The following RIMS2 variants were observed in gnomAD, a reference collection of about 807,000 sequenced individuals.
RIMS2 encodes regulating synaptic membrane exocytosis protein 2.
Under a neutral mutation model 174.4 loss-of-function variants are expected in RIMS2, and 59 were observed. The observed-to-expected ratio is 0.34, with a 90% CI of 0.27 to 0.42. RIMS2 has a LOEUF of 0.42. Among genes scored for constraint, RIMS2 ranks in the 10% least tolerant of loss-of-function variants. The pLI, the probability that RIMS2 is intolerant of heterozygous loss-of-function variation, is 1.00. For missense variants in RIMS2, 1,620 were observed against 1,666.3 expected (o/e 0.97, Z 0.48); for synonymous variants, 606 against 572.5 (o/e 1.06, Z -0.84).
At chr8:103,664,407 C>T (rs2096642621) in intron 1 of RIMS2, among the ~76,000 whole-genome samples, 1 of 152,066 alleles carries the variant, frequency 6.6e-6, no homozygotes, top group African/African-American at 2.4e-5. Context: ...CCAGAATCTA[C>T]AGAGAACTTA....
intron 19 of RIMS2, among the ~76,000 whole-genome samples, chr8:104,065,754 A>G (rs2097095203): frequency 6.6e-6 from 1 of 152,134 alleles, no homozygotes; most frequent in Admixed American, 6.6e-5. Context: ...TTCATTGGTT[A>G]AGACTCTAAT....
chr8:104,076,540 GATTT>G (rs2097296131), intron 19 of RIMS2, among the ~76,000 whole-genome samples: 1 of 152,098 alleles, frequency 6.6e-6, no homozygotes, highest in Non-Finnish European at 1.5e-5. Flanking sequence ...AGCAGACACA[GATTT>G]ATAGCAGAAA....
intron 1 of RIMS2, among the ~76,000 whole-genome samples, chr8:103,535,543 A>G (rs1839361877): frequency 6.6e-6 from 1 of 152,200 alleles, no homozygotes; most frequent in South Asian, 2.1e-4. Context: ...GAGCTTTGCC[A>G]GAATTCAACG....
intron 13 of RIMS2, among the ~76,000 whole-genome samples, chr8:103,941,202 C>T (rs2082444841): frequency 1.3e-5 from 2 of 152,090 alleles, no homozygotes; most frequent in South Asian, 2.1e-4. Context: ...TGAAACAACT[C>T]CAGGCATGGT....
chr8:103,713,412 T>C (rs2097331965), intron 2 of RIMS2, among the ~76,000 whole-genome samples: 1 of 150,282 alleles, frequency 6.7e-6, no homozygotes, highest in East Asian at 2.0e-4. Context: ...TATTTCCTAT[T>C]GCTGGAAGAA....
At chr8:104,038,376 C>T (rs904047328) in intron 19 of RIMS2, among the ~76,000 whole-genome samples, 1 of 151,716 alleles carries the variant, frequency 6.6e-6, no homozygotes, top group Non-Finnish European at 1.5e-5. Context: ...TTTGATAGTA[C>T]CTGGACACCT....
intron 1 of RIMS2, among the ~76,000 whole-genome samples, chr8:103,624,906 G>C (rs1409280355): frequency 6.6e-6 from 1 of 152,028 alleles, no homozygotes; most frequent in African/African-American, 2.4e-5. Context: ...TAAATAAAAT[G>C]GTGCACAGAA....
At chr8:104,155,621 G>C (rs1342307858) in intron 19 of RIMS2, among the ~76,000 whole-genome samples, 2 of 138,272 alleles carry the variant, frequency 1.4e-5, no homozygotes, top group East Asian at 2.2e-4. Flanking sequence ...CACCGTGTTA[G>C]CCAGGGTGGT....
intron 19 of RIMS2, among the ~76,000 whole-genome samples, chr8:104,235,451 A>C (rs1214262348): frequency 6.6e-6 from 1 of 152,038 alleles, no homozygotes; most frequent in African/African-American, 2.4e-5. Context: ...GGTAGATTTT[A>C]TATCCAAAGC....
intron 1 of RIMS2, among the ~76,000 whole-genome samples, chr8:103,543,044 TA>T (rs1843249931): frequency 6.6e-6 from 1 of 152,068 alleles, no homozygotes; most frequent in East Asian, 1.9e-4. Context: ...AAGAATGAAA[TA>T]AAGGCACCCA....
intron 3 of RIMS2, among the ~76,000 whole-genome samples, chr8:103,855,465 C>G (rs1175709996): frequency 6.6e-6 from 1 of 152,032 alleles, no homozygotes; most frequent in Non-Finnish European, 1.5e-5. Context: ...TGAGATCTTT[C>G]TAACTTCTTG....
intron 19 of RIMS2, among the ~76,000 whole-genome samples, chr8:104,055,212 T>C (rs1216008392): frequency 1.3e-5 from 2 of 152,148 alleles, no homozygotes; most frequent in Non-Finnish European, 2.9e-5. Flanking sequence ...ATATTCTATA[T>C]CATCATTTTA....
intron 3 of RIMS2, among the ~76,000 whole-genome samples, chr8:103,818,489 A>G (rs768652331): frequency 4.6e-5 from 7 of 152,198 alleles, no homozygotes; most frequent in African/African-American, 7.2e-5. Flanking sequence ...TTCCAAGACC[A>G]TAGGAGCCTT....
At chr8:103,916,321 C>T in intron 7 of RIMS2, 93 bp from the exon 11 acceptor site, 2 of 849,824 alleles carry the variant, frequency 2.4e-6, no homozygotes, top group African/African-American at 1.7e-5. Context: ...TTATTTTATC[C>T]TATGGAGTTT....
At chr8:104,140,229 A>G (rs951508429) in intron 19 of RIMS2, among the ~76,000 whole-genome samples, 2 of 152,076 alleles carry the variant, frequency 1.3e-5, no homozygotes, top group African/African-American at 2.4e-5. Flanking sequence ...ATTATTTATA[A>G]TATTCTCTTG....
At chr8:103,606,978 A>T (rs935141762) in intron 1 of RIMS2, among the ~76,000 whole-genome samples, 1 of 151,990 alleles carries the variant, frequency 6.6e-6, no homozygotes, top group Non-Finnish European at 1.5e-5. Flanking sequence ...GTGTCTTTTA[A>T]TTGGAGCATT....
At chr8:104,032,416 T>A (rs1006403050) in intron 19 of RIMS2, among the ~76,000 whole-genome samples, 2 of 152,000 alleles carry the variant, frequency 1.3e-5, no homozygotes, top group Non-Finnish European at 2.9e-5. Flanking sequence ...ATGCTGGAGG[T>A]TACACATTTT....
Position 103,512,727 on chromosome 8 carries a change from G to T in RIMS2, c.176+11665G>T, listed in dbSNP as rs77233725. On this transcript the variant is annotated intron_variant, in intron 1 of 23. Coordinates refer to ENST00000504942, the Ensembl canonical transcript of RIMS2. ...TAACTATCACAGGATTGATAGAATTGGCATTAGAAAAGTGGGCAATCCTTA... is the reference window on the plus strand; with the variant it reads ...TAACTATCACAGGATTGATAGAATTTGCATTAGAAAAGTGGGCAATCCTTA... Among the ~76,000 whole-genome samples, 560 of 152,184 alleles carry T rather than the reference G, an allele frequency of 3.7e-3. 8 individuals carry two copies. The highest frequency in any genetic ancestry group is 0.013 in the African/African-American group (532 of 41,526).
intron 14 of RIMS2, among the ~76,000 whole-genome samples, chr8:103,944,921 T>C (rs1361983872): frequency 1.3e-5 from 2 of 152,012 alleles, no homozygotes; most frequent in Non-Finnish European, 2.9e-5. Flanking sequence ...AAAACAACAT[T>C]ACCTTTGGCT....
Sources: allele counts gnomAD v4.1 joint callset (sites outside exome capture counted in the v4.1 genomes callset), GRCh38; gene constraint gnomAD v4.1.1; transcripts MANE v1.5; gene names NCBI Gene and HGNC (gene_info 2026-07-23, HGNC 2026-07-21).